The following CPNE4 variants were observed in gnomAD, a reference collection of about 807,000 sequenced individuals.
CPNE4 encodes the protein copine-4.
Under a neutral mutation model 67.9 loss-of-function variants are expected in CPNE4, and 25 were observed. The observed-to-expected ratio is 0.37, with a 90% CI of 0.27 to 0.51. The LOEUF is 0.51. Ranked by LOEUF, CPNE4 falls within the 20% of genes least tolerant of loss-of-function variation. The pLI, the probability that CPNE4 is intolerant of heterozygous loss-of-function variation, is 0.93. For missense variants in CPNE4, 464 were observed against 690.8 expected, an observed-to-expected ratio of 0.67 and a Z score of 3.68; for synonymous variants, 242 against 244.9, an observed-to-expected ratio of 0.99 and a Z score of 0.11.
At chr3:131,865,134 G>A (rs912519783) in intron 2 of CPNE4, among the ~76,000 whole-genome samples, 26 of 152,180 alleles carry the variant, frequency 1.7e-4, no homozygotes, top group South Asian at 2.1e-4. Flanking sequence ...TTTTTGCTTC[G>A]ATGTTCATCA....
intron 4 of CPNE4, among the ~76,000 whole-genome samples, chr3:131,698,737 C>A (rs1019197364): frequency 7.3e-5 from 11 of 151,510 alleles, no homozygotes; most frequent in African/African-American, 2.7e-4. Flanking sequence ...TAGTGAAACT[C>A]CATCTCTACT....
chr3:131,612,285 A>G (rs1208236944), intron 7 of CPNE4, among the ~76,000 whole-genome samples: 1 of 152,104 alleles, frequency 6.6e-6, no homozygotes, highest in Non-Finnish European at 1.5e-5. Flanking sequence ...GAGGCAGGAG[A>G]ATCACTTGAA....
At chr3:131,984,605 C>T (rs759772294) in intron 1 of CPNE4, among the ~76,000 whole-genome samples, 5 of 152,180 alleles carry the variant, frequency 3.3e-5, no homozygotes, top group Non-Finnish European at 7.3e-5. Flanking sequence ...GCCTATGTCC[C>T]TTTTTCCCTG....
intron 3 of CPNE4, among the ~76,000 whole-genome samples, chr3:131,704,936 A>G (rs905898881): frequency 2.6e-5 from 4 of 152,104 alleles, no homozygotes; most frequent in African/African-American, 9.7e-5. Flanking sequence ...AGGTCAAATG[A>G]GGTCATAAGG....
chr3:131,779,474 G>A (rs2083378837), intron 2 of CPNE4, among the ~76,000 whole-genome samples: 2 of 151,598 alleles, frequency 1.3e-5, no homozygotes, highest in Admixed American at 1.3e-4. Flanking sequence ...GGTACTCGTA[G>A]AAAAAAAAGA....
intron 15 of CPNE4, among the ~76,000 whole-genome samples, chr3:131,540,414 A>G (rs1028092056): frequency 6.6e-6 from 1 of 152,208 alleles, no homozygotes; most frequent in African/African-American, 2.4e-5. Flanking sequence ...ATCTATCTGA[A>G]TTCTTATTTT....
chr3:131,952,278 G>A (rs1376145554), intron 1 of CPNE4, among the ~76,000 whole-genome samples: 8 of 150,640 alleles, frequency 5.3e-5, no homozygotes, highest in South Asian at 2.1e-4. Context: ...GGTGAAGAGC[G>A]TCTCTGCCCG....
intron 2 of CPNE4, among the ~76,000 whole-genome samples, chr3:131,795,215 T>C (rs764782423): frequency 2.0e-5 from 3 of 152,180 alleles, no homozygotes; most frequent in Non-Finnish European, 2.9e-5. Flanking sequence ...CCCTGGTTTG[T>C]AGACACCGCC....
chr3:131,646,236 A>G (rs754141738), intron 7 of CPNE4, among the ~76,000 whole-genome samples: 1 of 152,192 alleles, frequency 6.6e-6, no homozygotes, highest in Admixed American at 6.5e-5. Context: ...CCCCTTCCAG[A>G]GCAACATATT....
intron 2 of CPNE4, among the ~76,000 whole-genome samples, chr3:131,737,497 T>A (rs901313805): frequency 1.3e-5 from 2 of 152,138 alleles, no homozygotes; most frequent in African/African-American, 4.8e-5. Context: ...AAATCTTAAG[T>A]GGTGAAATTT....
At chr3:131,551,834 A>G (rs564507030) in intron 13 of CPNE4, among the ~76,000 whole-genome samples, 1 of 152,186 alleles carries the variant, frequency 6.6e-6, no homozygotes, top group Admixed American at 6.5e-5. Context: ...ATTTATTATA[A>G]TAATTATTAT....
In CPNE4 at chr3:131,718,224, ACCTCATGATCTGCCAG is replaced by A. The variant is rs894293744; in HGVS notation, c.360+5206_360+5221del. 4.6e-5 allele frequency among the ~76,000 whole-genome samples: 7 copies of A among 151,920 alleles called. No individual in the cohort carries two copies. The South Asian group carries it at 1.5e-3, about 32-fold the overall frequency. On this transcript the variant is annotated intron_variant, in intron 3 of 15. Coordinates refer to ENST00000429747, the MANE Select transcript of CPNE4 (RefSeq NM_130808.3). Reference sequence around the variant, plus strand: ...TGTCCAGGCTGGTCTCAAACTCCTGACCTCATGATCTGCCAGCCTCAGCGTGCTTGGATTACAGGCG... The same window carrying A: ...TGTCCAGGCTGGTCTCAAACTCCTGACCTCAGCGTGCTTGGATTACAGGCG...
chr3:131,629,322 A>G (rs2079161693), intron 7 of CPNE4, among the ~76,000 whole-genome samples: 1 of 152,124 alleles, frequency 6.6e-6, no homozygotes, highest in Admixed American at 6.6e-5. Context: ...AAAGATTATG[A>G]CTCACTGAAG....
chr3:131,651,332 G>T (rs1286653252), intron 7 of CPNE4, among the ~76,000 whole-genome samples: 1 of 152,092 alleles, frequency 6.6e-6, no homozygotes, highest in African/African-American at 2.4e-5. Context: ...ACACCTAAGG[G>T]CACTTCACCT....
chr3:131,588,583 A>T (rs1041982007), intron 7 of CPNE4, among the ~76,000 whole-genome samples: 26 of 152,162 alleles, frequency 1.7e-4, no homozygotes, highest in Non-Finnish European at 3.1e-4. Flanking sequence ...GAAAAATCTG[A>T]CTTGGTAATC....
At chr3:131,908,361 A>C (rs1225003) in intron 1 of CPNE4, among the ~76,000 whole-genome samples, 1 of 152,032 alleles carries the variant, frequency 6.6e-6, no homozygotes, top group South Asian at 2.1e-4. Context: ...CAAAGGGAGA[A>C]AAAGAATCAG....
At position 131,593,240 on chromosome 3, in the gene CPNE4, A is replaced by C. The variant is rs139125045; in HGVS notation, c.682-5658T>G. On this transcript the variant is annotated intron_variant, in intron 7 of 15. Transcript: ENST00000429747. ...TTAATGGAGATAACTTCAAATCTAT[A>C]GATTACTTCTGTAGTACAGACATTT... Among the ~76,000 whole-genome samples, 87 of 152,374 alleles carry C rather than the reference A, an allele frequency of 5.7e-4. No individual in the cohort carries two copies. In the East Asian group the frequency reaches 0.011, roughly 20 times the overall value.
At chr3:131,792,684 C>CGT (rs1198421867) in intron 2 of CPNE4, among the ~76,000 whole-genome samples, 2,684 of 44,934 alleles carry the variant, frequency 0.06, 171 homozygotes, top group Middle Eastern at 0.1. Flanking sequence ...TATATACACA[C>CGT]GTGTATATAT....
intron 3 of CPNE4, among the ~76,000 whole-genome samples, chr3:131,708,292 G>A (rs2081463251): frequency 6.6e-6 from 1 of 152,156 alleles, no homozygotes; most frequent in South Asian, 2.1e-4. Flanking sequence ...ATTAGAGGAA[G>A]GGGAAGATGG....
Sources: gnomAD v4.1 joint callset for allele counts (sites outside exome capture counted in the v4.1 genomes callset) on GRCh38, gnomAD v4.1.1 for gene constraint, MANE v1.5 for transcripts, NCBI Gene and HGNC (gene_info 2026-07-23, HGNC 2026-07-21) for gene names.